The following PTPN4 variants were observed in gnomAD, a reference collection of about 807,000 sequenced individuals.
The protein encoded by PTPN4 is tyrosine-protein phosphatase non-receptor type 4.
Under a neutral mutation model 135.5 loss-of-function variants are expected in PTPN4, and 49 were observed. The observed-to-expected ratio is 0.36, with a 90% CI of 0.29 to 0.46. The LOEUF is 0.46. PTPN4 is among the 20% of genes least tolerant of loss of function. The pLI is 1.00. For synonymous variants in PTPN4, 333 were observed against 369.9 expected, an observed-to-expected ratio of 0.90 and a Z score of 1.14; for missense variants, 860 against 1,101.0, an observed-to-expected ratio of 0.78 and a Z score of 3.10.
chr2:119,900,829 T>C (rs775150915), intron 10 of PTPN4, 23 bp downstream of exon 10: 5 of 1,370,608 alleles, frequency 3.6e-6, no homozygotes, highest in African/African-American at 2.9e-5. Flanking sequence ...ATTGATACTT[T>C]TATGTTTACC....
chr2:119,887,782 T>G (rs529502010), intron 9 of PTPN4, among the ~76,000 whole-genome samples: 1 of 152,306 alleles, frequency 6.6e-6, no homozygotes, highest in South Asian at 2.1e-4. Context: ...TACTGTAGCC[T>G]TGTAATATAT....
At position 119,900,799 on chromosome 2, in the gene PTPN4, T is replaced by C; in HGVS notation, c.757T>C (p.Phe253Leu). The part of the protein sequence containing the change: ...IYKNRVRMNT[F>L]PWLKIVKISF... ...TAAGAACAGGGTACGAATGAATACC[T>C]TTCCATGGTAAGAACATCTATTGAT... The change falls in exon 10 of 27, where the codon TTT becomes CTT. Residue 253 changes from phenylalanine (F) to leucine (L), a missense_variant. By Grantham distance (22) the Phe-to-Leu change is conservative. Around this residue, in one of 2 missense-constraint regions of PTPN4, gnomAD observed 684 missense variants for 807.0 expected, o/e 0.85. Coordinates refer to ENST00000263708, the MANE Select transcript of PTPN4 (RefSeq NM_002830.4). 6.5e-7 allele frequency: 1 copy of C among 1,540,878 alleles called. No individual in the cohort carries two copies. Among genetic ancestry groups the C allele is most frequent in the South Asian group, 1.2e-5 (1 of 82,594 alleles).
In PTPN4 at chr2:119,809,954, T is replaced by G; in HGVS notation, c.101T>G (p.Leu34Arg). ...RQHTEVVCNI[L>R]LLDNTVQAFK... is the part of the protein sequence containing the mutation. ...CATACTGAAGTGGTTTGCAACATCC[T>G]TCTTCTGGATAACACTGTACAAGCT... Residue 34 changes from leucine (L) to arginine (R), a missense_variant, in exon 2 of 27, where the codon CTT (leucine) becomes CGT (arginine). Physicochemically the swap from Leu to Arg is moderately radical, Grantham distance 102. Coordinates refer to ENST00000263708, the MANE Select transcript of PTPN4 (RefSeq NM_002830.4). 6.2e-7 allele frequency: 1 copy of G among 1,613,608 alleles called. No homozygotes were observed. Among genetic ancestry groups the G allele is most frequent in the Non-Finnish European group, 8.5e-7 (1 of 1,179,656 alleles).
rs961941528 is a variant in PTPN4, at chr2:119,952,102, G to A, written c.1786G>A (p.Glu596Lys). 1 of 1,612,900 alleles carries A rather than the reference G, an allele frequency of 6.2e-7. No homozygotes were observed. The highest frequency in any genetic ancestry group is 8.5e-7 in the Non-Finnish European group (1 of 1,179,142). The stretch of plus-strand genomic sequence containing the variant: ...AGCTAGTTGTGAGAGACATTCTGGG[G>A]AACTCATGCTTCTAGTTCGACCTAA... ...IKASCERHSG[E>K]LMLLVRPNAV... Residue 596 changes from glutamate to lysine, a missense_variant, in exon 19 of 27, where the codon GAA (glutamate) becomes AAA (lysine). Physicochemically the swap from Glu to Lys is moderately conservative, Grantham distance 56. Transcript: ENST00000263708.
intron 3 of PTPN4, among the ~76,000 whole-genome samples, chr2:119,873,760 G>A (rs1227490477): frequency 6.6e-6 from 1 of 152,168 alleles, no homozygotes; most frequent in Admixed American, 6.5e-5. Flanking sequence ...ATTGCAGACA[G>A]TTCAGCTTTT....
chr2:119,809,840 T>G lies in PTPN4; in HGVS notation c.-14T>G. On this transcript the variant is annotated 5_prime_UTR_variant, in exon 2 of 27. Transcript: ENST00000263708. Reference sequence around the variant, plus strand: ...AATTTTTTTTTTTTTAACTTAGACTTTGTGTGGACAGTAATGACCTCACGT... The same window carrying G: ...AATTTTTTTTTTTTTAACTTAGACTGTGTGTGGACAGTAATGACCTCACGT... 1.3e-6 allele frequency: 2 copies of G among 1,573,576 alleles called. No homozygotes were observed. Among genetic ancestry groups the G allele is most frequent in the Non-Finnish European group, 1.7e-6 (2 of 1,166,854 alleles).
At chr2:119,934,129 GAT>G (rs1409834842) in intron 14 of PTPN4, among the ~76,000 whole-genome samples, 1 of 152,172 alleles carries the variant, frequency 6.6e-6, no homozygotes, top group Non-Finnish European at 1.5e-5. Flanking sequence ...ATTCTGAAGA[GAT>G]AGTACAAGGT....
intron 15 of PTPN4, among the ~76,000 whole-genome samples, chr2:119,936,176 G>A (rs1021783643): frequency 6.6e-6 from 1 of 152,120 alleles, no homozygotes; most frequent in Non-Finnish European, 1.5e-5. Flanking sequence ...CTAATTTTGT[G>A]TATCTTTAGT....
chr2:119,948,446 TAAAA>T (rs971460913), intron 18 of PTPN4, among the ~76,000 whole-genome samples: 1 of 150,764 alleles, frequency 6.6e-6, no homozygotes, highest in East Asian at 1.9e-4. Context: ...ATTTAAGACT[TAAAA>T]AAAAAGCAGT....
chr2:119,914,299 C>T (rs990284940), intron 10 of PTPN4, among the ~76,000 whole-genome samples: 1 of 124,392 alleles, frequency 8.0e-6, no homozygotes. Flanking sequence ...AATGCCCTCT[C>T]TCTATGACAG....
chr2:119,951,386 T>A (rs1679209157), intron 18 of PTPN4, among the ~76,000 whole-genome samples: 1 of 152,178 alleles, frequency 6.6e-6, no homozygotes, highest in Non-Finnish European at 1.5e-5. Context: ...ATTTCCTCTT[T>A]AGATTTAGGT....
In PTPN4 at chr2:119,952,184, C is replaced by G. The variant is rs111359205; in HGVS notation, c.1813+55C>G. 5.1e-3 allele frequency: 7,452 copies of G among 1,453,750 alleles called. 239 individuals carry two copies. The African/African-American group carries it at 0.079, about 15-fold the overall frequency. The allele number at this position is 1,453,750 out of a possible 1,614,324, so 90.1% of individuals were successfully genotyped here. ...TATAGTAATTTATTACTGTTCATTA[C>G]TGAGCACAGCAGCCAGATTTCTGAC... is the stretch of plus-strand genomic sequence containing the variant. On this transcript the variant is annotated intron_variant, in intron 19 of 26. Coordinates refer to ENST00000263708, the MANE Select transcript of PTPN4 (RefSeq NM_002830.4).
At chr2:119,789,907 T>A (rs1034107775) in intron 1 of PTPN4, among the ~76,000 whole-genome samples, 1 of 151,986 alleles carries the variant, frequency 6.6e-6, no homozygotes, top group Non-Finnish European at 1.5e-5. Context: ...TTTGTATTTT[T>A]AGTAGAGACT....
intron 12 of PTPN4, among the ~76,000 whole-genome samples, chr2:119,921,772 C>A (rs1240561196): frequency 6.6e-6 from 1 of 152,074 alleles, no homozygotes; most frequent in East Asian, 1.9e-4. Context: ...GTTAATAAAT[C>A]TCAGCAAGGA....
At chr2:119,881,649 T>G in intron 5 of PTPN4, 137 bp from the exon 6 acceptor site, 1 of 578,672 alleles carries the variant, frequency 1.7e-6, no homozygotes, top group Non-Finnish European at 2.9e-6. Context: ...TTTAAACTAC[T>G]TTACATGTTT....
intron 2 of PTPN4, among the ~76,000 whole-genome samples, chr2:119,818,655 T>C (rs1423918970): frequency 6.6e-6 from 1 of 152,206 alleles, no homozygotes; most frequent in Non-Finnish European, 1.5e-5. Context: ...TGGCCCTTTA[T>C]AGGAAAGGTT....
At chr2:119,940,170 T>G (rs1412808293) in intron 15 of PTPN4, among the ~76,000 whole-genome samples, 3 of 152,226 alleles carry the variant, frequency 2.0e-5, no homozygotes, top group Non-Finnish European at 4.4e-5. Flanking sequence ...TCAGTTCTAT[T>G]CTTAGATATT....
At chr2:119,832,920 G>A (rs1002639491) in intron 2 of PTPN4, among the ~76,000 whole-genome samples, 3 of 152,164 alleles carry the variant, frequency 2.0e-5, no homozygotes, top group Admixed American at 6.5e-5. Flanking sequence ...AATAGTTTAA[G>A]TAAACTGGAG....
chr2:119,804,279 A>AT (rs941233859), intron 1 of PTPN4, among the ~76,000 whole-genome samples: 80 of 147,718 alleles, frequency 5.4e-4, no homozygotes, highest in African/African-American at 1.4e-3. Context: ...TGCTCAGCTA[A>AT]TTTTTTTTTT....
Sources: gnomAD v4.1 joint callset for allele counts (sites outside exome capture counted in the v4.1 genomes callset) on GRCh38, gnomAD v4.1.1 for gene constraint, gnomAD v4.1.1 regional missense constraint, MANE v1.5 for transcripts, NCBI Gene and HGNC (gene_info 2026-07-23, HGNC 2026-07-21) for gene names.